The following SLC2A9 variants were observed in gnomAD, a reference collection of about 807,000 sequenced individuals.
SLC2A9 encodes the protein solute carrier family 2, facilitated glucose transporter member 9.
Under a neutral mutation model 50.6 loss-of-function variants are expected in SLC2A9, and 39 were observed. That is an observed-to-expected ratio of 0.77 (90% confidence interval 0.60 to 1.01). SLC2A9 has a LOEUF of 1.01. Ranked by LOEUF, SLC2A9 falls within the 50% of genes least tolerant of loss-of-function variation. The probability of loss-of-function intolerance (pLI) is 0.00; values close to 1 mark genes in which losing one functional copy is unlikely to be tolerated. For synonymous variants in SLC2A9, 324 were observed against 276.9 expected (o/e 1.17, Z -1.69); for missense variants, 686 against 677.6 (o/e 1.01, Z -0.14).
chr4:9,900,621 G>T (rs1226974926), intron 8 of SLC2A9, among the ~76,000 whole-genome samples: 1 of 152,078 alleles, frequency 6.6e-6, no homozygotes, highest in Non-Finnish European at 1.5e-5. Context: ...GTCATAACCA[G>T]AAGTATTAGT....
intron 1 of SLC2A9, among the ~76,000 whole-genome samples, chr4:10,028,125 C>T (rs1763814668): frequency 1.3e-5 from 2 of 152,254 alleles, no homozygotes; most frequent in South Asian, 4.1e-4. Flanking sequence ...CCCAAGCAGC[C>T]CCTTCGAGCT....
In SLC2A9 at chr4:9,788,339, G is replaced by GC. The variant is rs1326545880; in HGVS notation, n.386-8275dup. 2.7e-5 allele frequency among the ~76,000 whole-genome samples: 4 copies of GC among 146,212 alleles called. No homozygotes were observed. The East Asian group carries it at 6.1e-4, about 22-fold the overall frequency. ...CAAGTAGCTGGGACCAAAGTCATAT[G>GC]CCACCATGCCCAGGTAATTTTTTTT... On this transcript the variant is annotated intron_variant and non_coding_transcript_variant, in intron 3 of 3. Transcript: ENST00000503803.
At chr4:9,846,184 C>G (rs1315859350) in intron 10 of SLC2A9, among the ~76,000 whole-genome samples, 1 of 152,240 alleles carries the variant, frequency 6.6e-6, no homozygotes, top group Non-Finnish European at 1.5e-5. Flanking sequence ...CTCCTCTGCC[C>G]TTTCTCTAGG....
chr4:9,870,648 C>T (rs922745072), intron 10 of SLC2A9, among the ~76,000 whole-genome samples: 2 of 152,190 alleles, frequency 1.3e-5, no homozygotes, highest in African/African-American at 4.8e-5. Flanking sequence ...TTAACTCTGC[C>T]ATAGGCTGCG....
chr4:9,798,735 T>C (rs971818526), downstream of SLC2A9: 1 of 117,522 alleles, frequency 8.5e-6, no homozygotes, highest in African/African-American at 3.0e-5. Flanking sequence ...CAAAGTCAGG[T>C]AGCTTCATGA....
intron 10 of SLC2A9, among the ~76,000 whole-genome samples, chr4:9,839,966 C>T (rs372174368): frequency 2.0e-5 from 3 of 152,070 alleles, no homozygotes; most frequent in South Asian, 2.1e-4. Context: ...ACATGTACCC[C>T]GAACTTAAAA....
intron 3 of SLC2A9, among the ~76,000 whole-genome samples, chr4:9,791,059 A>G (rs776934698): frequency 1.3e-5 from 2 of 152,216 alleles, no homozygotes; most frequent in Non-Finnish European, 2.9e-5. Flanking sequence ...TGCAGCTGTG[A>G]CTAGAAAGTC....
intron 7 of SLC2A9, among the ~76,000 whole-genome samples, chr4:9,915,216 C>A (rs1261308624): frequency 6.6e-6 from 1 of 152,214 alleles, no homozygotes; most frequent in Non-Finnish European, 1.5e-5. Context: ...TTATGGAGCA[C>A]CACCTATGTG....
At chr4:10,018,924 A>G in intron 2 of SLC2A9, 51 bp downstream of exon 2, 1 of 1,528,548 alleles carries the variant, frequency 6.5e-7, no homozygotes, top group Non-Finnish European at 8.9e-7. Context: ...GCGCACCCGA[A>G]GGTTTCCGCA....
chr4:9,799,524 C>T (rs899120524), intron 3 of SLC2A9, among the ~76,000 whole-genome samples: 5 of 152,076 alleles, frequency 3.3e-5, no homozygotes, highest in African/African-American at 4.8e-5. Context: ...CCTAAAGGCA[C>T]CACCTCTTAA....
In SLC2A9 at chr4:9,903,579, T is replaced by C. The variant is rs1279092357; in HGVS notation, c.1113+4656A>G. Among the ~76,000 whole-genome samples the C allele has an allele frequency of 2.6e-5, 4 of 152,220 alleles. No homozygotes were observed. The South Asian group carries it at 6.2e-4, about 24-fold the overall frequency. On this transcript the variant is annotated intron_variant, in intron 8 of 11. Transcript: ENST00000264784. ...GACTGACGCCCTGAGCCAAAATTAA[T>C]TGCAGATCAAATGAGCAAAGATGTC...
At chr4:9,874,411 C>G (rs114104836) in intron 10 of SLC2A9, among the ~76,000 whole-genome samples, 2 of 152,338 alleles carry the variant, frequency 1.3e-5, no homozygotes, top group East Asian at 3.9e-4. Context: ...TGTACCCCCA[C>G]AGCTGTCTGC....
intron 3 of SLC2A9, among the ~76,000 whole-genome samples, chr4:9,816,460 T>C (rs565923443): frequency 4.7e-4 from 71 of 152,272 alleles, no homozygotes; most frequent in African/African-American, 1.7e-3. Context: ...GGAGATCTCA[T>C]GAACAGCATG....
In SLC2A9 at chr4:9,942,375, G is replaced by C. The variant is rs558707247; in HGVS notation, c.682-330C>G. On this transcript the variant is annotated intron_variant, in intron 5 of 11. Transcript: ENST00000264784. ...CTGGGGAACCATGGTGAGCCTGGGG[G>C]ATCTTAGGGTCTCCTTCTCTTCAAC... Among the ~76,000 whole-genome samples, 170 of 152,326 alleles carry C rather than the reference G, an allele frequency of 1.1e-3. 6 individuals are homozygous for C. In the South Asian group the frequency reaches 0.034, roughly 31 times the overall value.
At chr4:9,896,193 G>T (rs1738531204) in intron 8 of SLC2A9, among the ~76,000 whole-genome samples, 2 of 152,202 alleles carry the variant, frequency 1.3e-5, no homozygotes. Context: ...ATCTGAAGGG[G>T]TTGTGCCATT....
exon 4 of SLC2A9, chr4:9,779,844 G>T (rs1718098747): frequency 6.6e-6 from 1 of 151,812 alleles, no homozygotes; most frequent in African/African-American, 2.4e-5. Flanking sequence ...CTGAATAAAA[G>T]AATGAATGAC....
chr4:9,926,066 A>T (rs112215724), intron 6 of SLC2A9, among the ~76,000 whole-genome samples: 2,692 of 152,066 alleles, frequency 0.018, 31 homozygotes, highest in Middle Eastern at 0.055. Flanking sequence ...CGCTGTTAGC[A>T]CAGGTGCCAT....
At chr4:9,867,326 A>G (rs1732653818) in intron 10 of SLC2A9, among the ~76,000 whole-genome samples, 1 of 152,036 alleles carries the variant, frequency 6.6e-6, no homozygotes, top group African/African-American at 2.4e-5. Flanking sequence ...CCCAGCCTGC[A>G]CTCTCTGCAG....
chr4:9,949,268 T>C (rs1238341432), intron 5 of SLC2A9, among the ~76,000 whole-genome samples: 1 of 152,208 alleles, frequency 6.6e-6, no homozygotes, highest in Non-Finnish European at 1.5e-5. Flanking sequence ...AGGTGTTTAG[T>C]AAATGCCTGT....
Sources: gnomAD v4.1 joint callset for allele counts (sites outside exome capture counted in the v4.1 genomes callset) on GRCh38, gnomAD v4.1.1 for gene constraint, MANE v1.5 for transcripts, NCBI Gene and HGNC (gene_info 2026-07-23, HGNC 2026-07-21) for gene names.